PPP2R2B: variants seen among roughly 807,000 people sequenced by gnomAD.
PPP2R2B encodes the protein serine/threonine-protein phosphatase 2A 55 kDa regulatory subunit B beta isoform.
In PPP2R2B, 5 loss-of-function variants were observed where a neutral mutation model predicts 46.0. The ratio of observed to expected loss-of-function variants is 0.11; its 90% CI spans 0.06 to 0.23. The LOEUF (loss-of-function observed/expected upper bound fraction) is 0.23, where lower values mean the gene tolerates loss of function less well. Ranked by LOEUF, PPP2R2B falls within the 10% of genes least tolerant of loss-of-function variation. PPP2R2B has a pLI of 1.00. For missense variants in PPP2R2B, 367 were observed against 575.0 expected (o/e 0.64, Z 3.70); for synonymous variants, 215 against 206.7 (o/e 1.04, Z -0.34).
Position 146,878,710 on chromosome 5 carries a change from C to G in PPP2R2B, c.-244G>C, listed in dbSNP as rs974620937. On this transcript the variant is annotated 5_prime_UTR_variant, in exon 1 of 10. Coordinates refer to ENST00000394411, the MANE Select transcript of PPP2R2B (RefSeq NM_181675.4). The surrounding 1 kb of genome is among the most constrained non-coding windows in gnomAD (Gnocchi z 4.5). The stretch of plus-strand genomic sequence containing the variant: ...GCGCCAGCGCACTCACCCTCACACC[C>G]ACACGCGCGCACTCGCAGCTGCTGC... 35 of 1,219,346 alleles carry G rather than the reference C, an allele frequency of 2.9e-5. No individual in the cohort carries two copies. In the African/African-American group the frequency reaches 6.0e-4, roughly 21 times the overall value. 75.5% of individuals were successfully genotyped at this position (1,219,346 alleles called of 1,614,324 possible).
At chr5:146,818,798 T>C (rs966567074) in intron 2 of PPP2R2B, among the ~76,000 whole-genome samples, 1 of 151,934 alleles carries the variant, frequency 6.6e-6, no homozygotes. Flanking sequence ...GAGATGTGAG[T>C]TTTAGTCTAT....
intron 5 of PPP2R2B, among the ~76,000 whole-genome samples, chr5:146,654,126 C>T (rs1472752624): frequency 6.6e-6 from 1 of 152,170 alleles, no homozygotes; most frequent in Non-Finnish European, 1.5e-5. Flanking sequence ...TGGAAACATA[C>T]ACGGAGAGCT....
intron 2 of PPP2R2B, among the ~76,000 whole-genome samples, chr5:146,734,012 C>T (rs951190951): frequency 6.6e-6 from 1 of 151,064 alleles, no homozygotes; most frequent in African/African-American, 2.4e-5. Flanking sequence ...AAGTGCTTTA[C>T]ATATATTACC....
At chr5:146,995,315 C>A (rs764444046) in intron 1 of PPP2R2B, among the ~76,000 whole-genome samples, 2 of 152,154 alleles carry the variant, frequency 1.3e-5, no homozygotes, top group Non-Finnish European at 2.9e-5. Context: ...GTTTCTGACA[C>A]ACAGGCAGTC....
At chr5:146,996,739 G>A (rs1006623448) in intron 1 of PPP2R2B, among the ~76,000 whole-genome samples, 3 of 152,160 alleles carry the variant, frequency 2.0e-5, no homozygotes, top group African/African-American at 7.2e-5. Flanking sequence ...AGAAACAAGT[G>A]AAAGGCAATC....
At chr5:147,021,650 A>G (rs1755272502) in intron 1 of PPP2R2B, among the ~76,000 whole-genome samples, 1 of 152,200 alleles carries the variant, frequency 6.6e-6, no homozygotes, top group Non-Finnish European at 1.5e-5. Flanking sequence ...ATCTAGATTC[A>G]TTCAAGCAAA....
chr5:146,850,506 C>T (rs1218359529), intron 2 of PPP2R2B, among the ~76,000 whole-genome samples: 1 of 152,124 alleles, frequency 6.6e-6, no homozygotes, highest in Non-Finnish European at 1.5e-5. Context: ...ACACTGGCCA[C>T]CTTTCACTTT....
At chr5:146,754,107 C>G (rs191355960) in intron 2 of PPP2R2B, among the ~76,000 whole-genome samples, 10 of 152,278 alleles carry the variant, frequency 6.6e-5, no homozygotes, top group Admixed American at 5.9e-4. Flanking sequence ...AGTTCTGCCA[C>G]AAGCCCCCGC....
intron 1 of PPP2R2B, among the ~76,000 whole-genome samples, chr5:146,886,972 C>G (rs1762349510): frequency 6.6e-6 from 1 of 151,696 alleles, no homozygotes; most frequent in South Asian, 2.1e-4. Context: ...ATATATGTGA[C>G]CAGAATGTAT....
intron 2 of PPP2R2B, among the ~76,000 whole-genome samples, chr5:146,710,031 C>T (rs138832542): frequency 2.0e-5 from 3 of 152,222 alleles, no homozygotes; most frequent in African/African-American, 7.2e-5. Context: ...TACCACACAA[C>T]CAATTTTCCT....
chr5:146,676,729 C>T (rs1022096741), intron 5 of PPP2R2B, among the ~76,000 whole-genome samples: 4 of 152,148 alleles, frequency 2.6e-5, no homozygotes, highest in Non-Finnish European at 5.9e-5. Context: ...TCCATGAAGG[C>T]AGGAACCATA....
intron 1 of PPP2R2B, among the ~76,000 whole-genome samples, chr5:146,898,678 T>A: frequency 7.8e-6 from 1 of 128,030 alleles, no homozygotes. Flanking sequence ...ACCATCAGAG[T>A]GAACAGGCAA....
intron 1 of PPP2R2B, among the ~76,000 whole-genome samples, chr5:146,945,000 T>A (rs1168197205): frequency 6.6e-6 from 1 of 152,186 alleles, no homozygotes; most frequent in African/African-American, 2.4e-5. Flanking sequence ...TAACTTAAGA[T>A]TTGCAAAACC....
At chr5:146,642,190 G>A (rs1775267730) in intron 6 of PPP2R2B, among the ~76,000 whole-genome samples, 1 of 152,194 alleles carries the variant, frequency 6.6e-6, no homozygotes, top group Non-Finnish European at 1.5e-5. Flanking sequence ...GCAGAAGAGG[G>A]GAAGGTGAGG....
intron 7 of PPP2R2B, among the ~76,000 whole-genome samples, chr5:146,629,649 A>G (rs1774291019): frequency 6.6e-6 from 1 of 152,062 alleles, no homozygotes; most frequent in Non-Finnish European, 1.5e-5. Context: ...GCTCTGGCCC[A>G]TAAAGCTCTC....
At chr5:146,725,777 T>G (rs910198496) in intron 2 of PPP2R2B, among the ~76,000 whole-genome samples, 1 of 152,200 alleles carries the variant, frequency 6.6e-6, no homozygotes, top group African/African-American at 2.4e-5. Context: ...CACCCTGCAT[T>G]TCCTGACATA....
chr5:146,927,875 G>A (rs537787655), intron 1 of PPP2R2B, among the ~76,000 whole-genome samples: 75 of 152,006 alleles, frequency 4.9e-4, no homozygotes, highest in Non-Finnish European at 6.6e-4. Context: ...CTGAGTAGCC[G>A]GGATTACAGG....
chr5:146,801,374 T>C (rs1414164034), intron 2 of PPP2R2B, among the ~76,000 whole-genome samples: 2 of 152,258 alleles, frequency 1.3e-5, no homozygotes, highest in African/African-American at 4.8e-5. Context: ...AGGTGATATA[T>C]ATGTTAATTT....
chr5:147,069,222 GCA>G, intron 2 of PPP2R2B, among the ~76,000 whole-genome samples: 1 of 152,172 alleles, frequency 6.6e-6, no homozygotes, highest in East Asian at 1.9e-4. Context: ...ACCACAGACA[GCA>G]TTTTACTATG....
Sources: gnomAD v4.1 joint callset for allele counts (sites outside exome capture counted in the v4.1 genomes callset) on GRCh38, gnomAD v4.1.1 for gene constraint, Gnocchi (gnomAD v3.1) non-coding constraint, MANE v1.5 for transcripts, NCBI Gene and HGNC (gene_info 2026-07-23, HGNC 2026-07-21) for gene names.